The following POLK variants were observed in gnomAD, a reference collection of about 807,000 sequenced individuals.
The protein encoded by POLK is DNA polymerase kappa, also known as polymerase (DNA directed) kappa.
Under a neutral mutation model 94.0 loss-of-function variants are expected in POLK, and 76 were observed. That is an observed-to-expected ratio of 0.81 (90% CI 0.67 to 0.98). The LOEUF is 0.98. POLK is among the 50% of genes least tolerant of loss of function. The pLI is 0.00. For synonymous variants in POLK, 349 were observed against 325.4 expected (o/e 1.07, Z -0.78); for missense variants, 954 against 1,010.1 (o/e 0.94, Z 0.75).
At chr5:75,525,868 C>T (rs976298920) in intron 1 of POLK, among the ~76,000 whole-genome samples, 10 of 152,126 alleles carry the variant, frequency 6.6e-5, no homozygotes, top group Admixed American at 2.0e-4. Context: ...ATTAAGAATG[C>T]GGGCTCCGGA....
chr5:75,589,388 TACACACACACACACAC>T (rs71600465), intron 10 of POLK, among the ~76,000 whole-genome samples: 19 of 128,316 alleles, frequency 1.5e-4, no homozygotes, highest in Non-Finnish European at 2.1e-4. Flanking sequence ...TATACACACA[TACACACACACACACAC>T]ACACACACAC....
intron 7 of POLK, 84 bp downstream of exon 7, chr5:75,581,532 T>G: frequency 1.7e-6 from 2 of 1,143,030 alleles, no homozygotes; most frequent in South Asian, 3.0e-5. Flanking sequence ...TTTCTCATTA[T>G]AAAGTATATA....
exon 2 of POLK, chr5:75,547,153 C>T (rs182817281): frequency 8.5e-6 from 13 of 1,527,960 alleles, no homozygotes; most frequent in Admixed American, 1.8e-5. Context: ...ATGGAAGCCA[C>T]GAAGGTATGT....
intron 6 of POLK, chr5:75,580,540 TG>T: frequency 1.3e-6 from 1 of 764,812 alleles, no homozygotes; most frequent in Non-Finnish European, 1.6e-6. Context: ...TTCTTAAACT[TG>T]GATTATCCAA....
intron 13 of POLK, 112 bp downstream of exon 13, chr5:75,597,290 A>T: frequency 1.5e-6 from 1 of 660,866 alleles, no homozygotes. Flanking sequence ...TAGTTTGTGT[A>T]TGCCGCCATT....
chr5:75,515,236 AT>A (rs768296298), intron 1 of POLK, among the ~76,000 whole-genome samples: 48 of 152,162 alleles, frequency 3.2e-4, no homozygotes, highest in Non-Finnish European at 3.8e-4. Flanking sequence ...CTATCATTTT[AT>A]TTTTTGTATT....
At chr5:75,604,659 T>G (rs1773377753), downstream of POLK, among the ~76,000 whole-genome samples, 1 of 152,204 alleles carries the variant, frequency 6.6e-6, no homozygotes, top group Non-Finnish European at 1.5e-5. Context: ...TTAACAGGCA[T>G]CAGCCACCAT....
chr5:75,582,100 G>C, intron 7 of POLK: 1 of 986,786 alleles, frequency 1.0e-6, no homozygotes, highest in Non-Finnish European at 1.2e-6. Flanking sequence ...TTACATTGCA[G>C]GAGAGAACCC....
At chr5:75,523,254 T>C (rs1156346454) in intron 1 of POLK, among the ~76,000 whole-genome samples, 1 of 152,224 alleles carries the variant, frequency 6.6e-6, no homozygotes, top group African/African-American at 2.4e-5. Flanking sequence ...CATTGGGATA[T>C]CTGAATGTCA....
chr5:75,518,585 C>G (rs1768425740), intron 1 of POLK, among the ~76,000 whole-genome samples: 1 of 151,642 alleles, frequency 6.6e-6, no homozygotes. Context: ...CTTTTGTTGA[C>G]CTGTATTTTT....
intron 12 of POLK, among the ~76,000 whole-genome samples, chr5:75,594,572 A>G (rs1772968807): frequency 6.6e-6 from 1 of 152,240 alleles, no homozygotes; most frequent in Non-Finnish European, 1.5e-5. Context: ...CATGTAGAGT[A>G]TATTACGTTG....
At chr5:75,553,176 A>G (rs1190172464) in intron 3 of POLK, among the ~76,000 whole-genome samples, 1 of 152,150 alleles carries the variant, frequency 6.6e-6, no homozygotes, top group Non-Finnish European at 1.5e-5. Flanking sequence ...AAATACTCCA[A>G]GTTTCCTCTT....
chr5:75,583,400 G>A, exon 8 of POLK: 1 of 1,598,840 alleles, frequency 6.3e-7, no homozygotes, highest in Non-Finnish European at 8.6e-7. Context: ...CTTCATCAAG[G>A]ATTTACCCAT....
downstream of POLK, among the ~76,000 whole-genome samples, chr5:75,605,391 TGAGA>T (rs770375404): frequency 2.8e-4 from 42 of 151,466 alleles, no homozygotes; most frequent in Non-Finnish European, 5.0e-4. Flanking sequence ...ATGGAGAGAG[TGAGA>T]GAGAGAGAGA....
At chr5:75,596,679 A>T (rs781768166) in exon 13 of POLK, 1 of 1,614,032 alleles carries the variant, frequency 6.2e-7, no homozygotes, top group Non-Finnish European at 8.5e-7. Context: ...TCTCGTGTTC[A>T]CATGTTTCTG....
At chr5:75,510,806 A>AC (rs1767923423), upstream of POLK, among the ~76,000 whole-genome samples, 1 of 152,006 alleles carries the variant, frequency 6.6e-6, no homozygotes, top group Non-Finnish European at 1.5e-5. Context: ...CTGAAGCCCA[A>AC]CCCGGATTCC....
chr5:75,588,441 T>C (rs1318746548), intron 10 of POLK, among the ~76,000 whole-genome samples: 4 of 152,132 alleles, frequency 2.6e-5, no homozygotes, highest in Admixed American at 1.3e-4. Flanking sequence ...ACAAGTGAAA[T>C]TACTACCATT....
chr5:75,569,437 G>A, exon 4 of POLK: 1 of 1,613,670 alleles, frequency 6.2e-7, no homozygotes, highest in African/African-American at 1.3e-5. Flanking sequence ...GTAGAAATGA[G>A]GGACAATCCA....
intron 1 of POLK, among the ~76,000 whole-genome samples, chr5:75,537,630 C>T (rs1244177579): frequency 6.6e-6 from 1 of 152,216 alleles, no homozygotes; most frequent in Non-Finnish European, 1.5e-5. Context: ...TACATTCCAT[C>T]ACTTCTACTT....
Sources: allele counts gnomAD v4.1 joint callset (sites outside exome capture counted in the v4.1 genomes callset), GRCh38; gene constraint gnomAD v4.1.1; transcripts MANE v1.5; gene names NCBI Gene and HGNC (gene_info 2026-07-23, HGNC 2026-07-21).